Variants in RHAG observed in about 807,000 individuals in gnomAD.
RHAG encodes Rh associated glycoprotein.
RHAG carries 25 observed loss-of-function variants against 42.4 expected under a neutral mutation model. The ratio of observed to expected loss-of-function variants is 0.59; its 90% CI spans 0.43 to 0.82. The LOEUF (loss-of-function observed/expected upper bound fraction) is 0.82, where lower values mean the gene tolerates loss of function less well. Ranked by LOEUF, RHAG falls within the 40% of genes least tolerant of loss-of-function variation. RHAG has a pLI of 0.00. For synonymous variants in RHAG, 182 were observed against 177.7 expected, an observed-to-expected ratio of 1.02 and a Z score of -0.19; for missense variants, 483 against 504.6, an observed-to-expected ratio of 0.96 and a Z score of 0.41.
intron 1 of RHAG, among the ~76,000 whole-genome samples, chr6:49,626,066 A>G (rs1157598333): frequency 3.3e-5 from 5 of 152,186 alleles, no homozygotes; most frequent in African/African-American, 7.2e-5. Context: ...ACAATTCAAG[A>G]TGAGATTTGA....
intron 6 of RHAG, 22 bp from the exon 7 acceptor site, chr6:49,611,167 G>A: frequency 1.3e-6 from 2 of 1,598,404 alleles, no homozygotes; most frequent in South Asian, 1.1e-5. Context: ...AAAGGAAGAA[G>A]GTTTATTATT....
At chr6:49,616,198 G>T (rs1197674882) in intron 3 of RHAG, among the ~76,000 whole-genome samples, 1 of 151,982 alleles carries the variant, frequency 6.6e-6, no homozygotes, top group Non-Finnish European at 1.5e-5. Flanking sequence ...AATATGTATT[G>T]CTCAGCCTGG....
At chr6:49,622,238 C>T (rs78749356) in intron 1 of RHAG, among the ~76,000 whole-genome samples, 1 of 133,676 alleles carries the variant, frequency 7.5e-6, no homozygotes, top group East Asian at 2.3e-4. Context: ...TTTTTTTAGA[C>T]AGAGTCTCAT....
intron 2 of RHAG, 129 bp from the exon 3 acceptor site, chr6:49,618,347 T>A (rs1581942930): frequency 1.1e-6 from 1 of 894,558 alleles, no homozygotes; most frequent in Non-Finnish European, 1.8e-6. Context: ...CACTTCCTTA[T>A]TCCTCCTCTT....
intron 1 of RHAG, among the ~76,000 whole-genome samples, chr6:49,622,723 A>T (rs1581946238): frequency 6.6e-6 from 1 of 152,320 alleles, no homozygotes; most frequent in South Asian, 2.1e-4. Flanking sequence ...AAACGAACTA[A>T]TACACCAACT....
At chr6:49,618,711 A>G (rs1562015378) in intron 2 of RHAG, among the ~76,000 whole-genome samples, 1 of 152,212 alleles carries the variant, frequency 6.6e-6, no homozygotes, top group Non-Finnish European at 1.5e-5. Flanking sequence ...CTGTTGCATA[A>G]GGGAGGCAAT....
chr6:49,616,155 G>T (rs530321194), intron 3 of RHAG, among the ~76,000 whole-genome samples: 5 of 152,226 alleles, frequency 3.3e-5, no homozygotes, highest in African/African-American at 1.2e-4. Context: ...GACATGCAAG[G>T]TTGCTTCTCT....
At chr6:49,623,671 C>G (rs1288339965) in intron 1 of RHAG, among the ~76,000 whole-genome samples, 2 of 152,144 alleles carry the variant, frequency 1.3e-5, no homozygotes, top group Admixed American at 1.3e-4. Context: ...CGCTGATGTC[C>G]TGAGGGTACA....
At chr6:49,626,358 G>A (rs963170080) in intron 1 of RHAG, among the ~76,000 whole-genome samples, 1 of 152,162 alleles carries the variant, frequency 6.6e-6, no homozygotes, top group Non-Finnish European at 1.5e-5. Context: ...AAACAAAGTG[G>A]CTACAGGCCC....
chr6:49,618,153 G>A lies in RHAG; in HGVS notation c.407C>T (p.Thr136Met), dbSNP rs757833574. 2.8e-5 allele frequency: 45 copies of A among 1,613,954 alleles called. No individual in the cohort carries two copies. Among genetic ancestry groups the A allele is most frequent in the Non-Finnish European group, 3.6e-5 (43 of 1,179,980 alleles). ...LISFGAVLGK[T>M]SPTQMLIMTI... is the part of the protein sequence containing the mutation. ...CATGATCAGCATTTGGGTGGGGCTC[G>A]TTTTTCCCAGGACAGCTCCAAAAGA... The change falls in exon 3 of 10, where the codon ACG (threonine) becomes ATG (methionine). Residue 136 changes from threonine to methionine, a missense_variant. Coordinates refer to ENST00000371175, the MANE Select transcript of RHAG (RefSeq NM_000324.3).
At chr6:49,617,913 T>C (rs1244093406) in intron 3 of RHAG, among the ~76,000 whole-genome samples, 155 bp downstream of exon 3, 1 of 152,224 alleles carries the variant, frequency 6.6e-6, no homozygotes, top group Non-Finnish European at 1.5e-5. Flanking sequence ...ACTCCTAGTT[T>C]ACAGTAGGCA....
At chr6:49,634,415 C>T (rs560258806) in intron 1 of RHAG, among the ~76,000 whole-genome samples, 2 of 152,162 alleles carry the variant, frequency 1.3e-5, no homozygotes, top group South Asian at 4.1e-4. Flanking sequence ...TCTCAAAAAA[C>T]TAAAAATATA....
At chr6:49,622,173 C>A (rs1022013533) in intron 1 of RHAG, among the ~76,000 whole-genome samples, 11 of 150,400 alleles carry the variant, frequency 7.3e-5, no homozygotes, top group Non-Finnish European at 1.6e-4. Context: ...AGGTCCTTCC[C>A]GTGCTGTTCT....
intron 1 of RHAG, chr6:49,631,823 A>G (rs1456034324): frequency 1.3e-5 from 2 of 152,262 alleles, no homozygotes; most frequent in African/African-American, 4.8e-5. Context: ...TACAGACAGT[A>G]TATTAATTCA....
intron 1 of RHAG, among the ~76,000 whole-genome samples, chr6:49,634,683 G>C (rs1762981012): frequency 6.6e-6 from 1 of 151,922 alleles, no homozygotes; most frequent in African/African-American, 2.4e-5. Flanking sequence ...GTTGAAGATT[G>C]CTTACGAGAA....
intron 1 of RHAG, among the ~76,000 whole-genome samples, chr6:49,623,935 A>T (rs961119476): frequency 2.0e-5 from 3 of 152,198 alleles, no homozygotes; most frequent in Non-Finnish European, 4.4e-5. Flanking sequence ...GTTTTGGGCC[A>T]AGATAGCAGC....
chr6:49,624,468 G>A (rs982842953), intron 1 of RHAG, among the ~76,000 whole-genome samples: 1 of 152,214 alleles, frequency 6.6e-6, no homozygotes, highest in South Asian at 2.1e-4. Context: ...GCCTCCCAAA[G>A]TGCTGGGATT....
Position 49,615,627 on chromosome 6 carries a change from T to C in RHAG, c.637A>G (p.Ile213Val). Residue 213 changes from isoleucine to valine, a missense_variant, in exon 4 of 10, where the codon ATT becomes GTT. Physicochemically the swap from Ile to Val is conservative, Grantham distance 29 (BLOSUM62 3). Transcript: ENST00000371175. ...AAGCAAGTTTATCCACACTCACCAA[T>C]CATTGCAAACAAGTCTGAGTAGTAT... ...SAYYSDLFAM[I>V]GTLFLWMFWP... The C allele has an allele frequency of 6.2e-7, 1 of 1,613,980 alleles. No homozygotes were observed. Among genetic ancestry groups the C allele is most frequent in the African/African-American group, 1.3e-5 (1 of 75,014 alleles).
chr6:49,620,203 A>G (rs1205855624), intron 1 of RHAG, among the ~76,000 whole-genome samples: 1 of 152,190 alleles, frequency 6.6e-6, no homozygotes, highest in African/African-American at 2.4e-5. Flanking sequence ...CTTACTCTCT[A>G]TGAGCTTCAG....
Sources: allele counts gnomAD v4.1 joint callset (sites outside exome capture counted in the v4.1 genomes callset), GRCh38; gene constraint gnomAD v4.1.1; transcripts MANE v1.5; gene names NCBI Gene and HGNC (gene_info 2026-07-23, HGNC 2026-07-21).